The following PTH2R variants were observed in gnomAD, a reference collection of about 807,000 sequenced individuals.
PTH2R encodes the protein parathyroid hormone 2 receptor.
Under a neutral mutation model 60.3 loss-of-function variants are expected in PTH2R, and 59 were observed. The ratio of observed to expected loss-of-function variants is 0.98; its 90% confidence interval spans 0.79 to 1.22. The LOEUF (loss-of-function observed/expected upper bound fraction) is 1.22, where lower values mean the gene tolerates loss of function less well. Ranked by LOEUF, PTH2R falls within the 50% of genes most tolerant of loss-of-function variation. PTH2R has a pLI of 0.00. For synonymous variants in PTH2R, 256 were observed against 243.8 expected, an observed-to-expected ratio of 1.05 and a Z score of -0.47; for missense variants, 749 against 682.6, an observed-to-expected ratio of 1.10 and a Z score of -1.08.
intron 1 of PTH2R, among the ~76,000 whole-genome samples, chr2:208,378,155 G>C (rs6736245): frequency 4.6e-5 from 7 of 151,946 alleles, no homozygotes; most frequent in Admixed American, 1.3e-4. Context: ...CGGATCACTC[G>C]CGGTTAGGAG....
At chr2:208,467,046 C>G (rs898948643) in intron 9 of PTH2R, among the ~76,000 whole-genome samples, 1 of 152,022 alleles carries the variant, frequency 6.6e-6, no homozygotes, top group African/African-American at 2.4e-5. Context: ...AACATTTCAG[C>G]CAAATTCTTC....
At chr2:208,399,949 T>A (rs1277776609) in intron 1 of PTH2R, among the ~76,000 whole-genome samples, 1 of 152,212 alleles carries the variant, frequency 6.6e-6, no homozygotes, top group Non-Finnish European at 1.5e-5. Flanking sequence ...TGAACCTCTA[T>A]GCTGATGTCC....
At chr2:208,450,937 C>A in intron 8 of PTH2R, 128 bp downstream of exon 8, 2 of 998,238 alleles carry the variant, frequency 2.0e-6, no homozygotes, top group Non-Finnish European at 1.6e-6. Context: ...AGGAAAATTA[C>A]CTTGATGCGA....
chr2:208,360,711 C>T (rs140684886), intron 1 of PTH2R: 1,569 of 153,146 alleles, frequency 0.01, 16 homozygotes, highest in Middle Eastern at 0.027. Context: ...GTTGCAAGGC[C>T]CTCCTCTTGT....
rs181368434 is a variant in PTH2R, at chr2:208,423,474, A to C, written c.76-4727A>C. ...AGTCTGAGAACTCTGTATGCTTGCA[A>C]TTCTTTTAAAATTGTTGAGATTTGT... is the stretch of plus-strand genomic sequence containing the variant. On this transcript the variant is annotated intron_variant, in intron 1 of 12. Coordinates refer to ENST00000272847, the MANE Select transcript of PTH2R (RefSeq NM_005048.4). Among the ~76,000 whole-genome samples, 90 of 152,198 alleles carry C rather than the reference A, an allele frequency of 5.9e-4. 1 individual carries two copies. The highest frequency in any genetic ancestry group is 4.9e-4 in the Non-Finnish European group (33 of 68,018).
At chr2:208,406,710 C>T (rs567811121), upstream of PTH2R, 4 of 223,534 alleles carry the variant, frequency 1.8e-5, no homozygotes, top group Non-Finnish European at 3.5e-5. Context: ...CGAGCGCAGC[C>T]GCGCGGGGCG....
At chr2:208,389,704 T>C (rs1219786302) in intron 1 of PTH2R, among the ~76,000 whole-genome samples, 1 of 152,218 alleles carries the variant, frequency 6.6e-6, no homozygotes, top group Non-Finnish European at 1.5e-5. Flanking sequence ...TTATCACACA[T>C]TTGTGATGTT....
At chr2:208,365,929 AATATATATAT>A (rs1224025157) in intron 1 of PTH2R, among the ~76,000 whole-genome samples, 2,308 of 43,708 alleles carry the variant, frequency 0.053, 75 homozygotes, top group Non-Finnish European at 0.056. Context: ...ATAATAGATA[AATATATATAT>A]ATATATATAT....
chr2:208,473,129 ACACAT>A, intron 9 of PTH2R, among the ~76,000 whole-genome samples: 1 of 152,334 alleles, frequency 6.6e-6, no homozygotes, highest in East Asian at 1.9e-4. Flanking sequence ...ACCCTTCTGA[ACACAT>A]CAAGGAGAAA....
At chr2:208,492,279 C>T (rs569754590) in intron 12 of PTH2R, among the ~76,000 whole-genome samples, 51 of 152,312 alleles carry the variant, frequency 3.3e-4, no homozygotes, top group Middle Eastern at 3.4e-3. Context: ...TGAGTACCTT[C>T]TACGCCATTC....
At chr2:208,406,083 AAGAG>A (rs1701399913), upstream of PTH2R, among the ~76,000 whole-genome samples, 2 of 152,176 alleles carry the variant, frequency 1.3e-5, no homozygotes, top group Non-Finnish European at 2.9e-5. Context: ...GATTAAGACA[AAGAG>A]AGGCCAGTAT....
intron 1 of PTH2R, 85 bp downstream of exon 1, chr2:208,407,203 C>T: frequency 6.6e-6 from 8 of 1,205,956 alleles, no homozygotes; most frequent in Non-Finnish European, 7.7e-6. Context: ...CAGGTGCGCG[C>T]GAGAGCTCAT....
At chr2:208,407,233 A>G (rs1701434715) in intron 1 of PTH2R, 115 bp downstream of exon 1, 1 of 889,190 alleles carries the variant, frequency 1.1e-6, no homozygotes, top group Non-Finnish European at 1.6e-6. Flanking sequence ...CACGTCCACA[A>G]ACGCCCCGGC....
chr2:208,457,085 T>A (rs1035480506), intron 8 of PTH2R, among the ~76,000 whole-genome samples: 3 of 152,186 alleles, frequency 2.0e-5, no homozygotes, highest in Admixed American at 1.3e-4. Flanking sequence ...TGTGAAGATA[T>A]TACCAAATGT....
chr2:208,379,885 C>T (rs1263931350), intron 1 of PTH2R, among the ~76,000 whole-genome samples: 1 of 151,730 alleles, frequency 6.6e-6, no homozygotes, highest in Non-Finnish European at 1.5e-5. Flanking sequence ...AGAGAGAGAC[C>T]GTTTGTGAAG....
At chr2:208,416,611 G>C (rs951556483) in intron 1 of PTH2R, among the ~76,000 whole-genome samples, 11 of 152,192 alleles carry the variant, frequency 7.2e-5, no homozygotes, top group African/African-American at 2.4e-4. Flanking sequence ...GGGTCAACTT[G>C]ATTGGATTGA....
chr2:208,388,143 C>CCCCG (rs1553540982), intron 1 of PTH2R, among the ~76,000 whole-genome samples: 1 of 148,858 alleles, frequency 6.7e-6, no homozygotes, highest in Non-Finnish European at 1.5e-5. Context: ...CCCCCCCCCC[C>CCCCG]GTCTCTACTA....
At chr2:208,414,635 A>G (rs1031789380) in intron 1 of PTH2R, among the ~76,000 whole-genome samples, 1 of 151,950 alleles carries the variant, frequency 6.6e-6, no homozygotes, top group Non-Finnish European at 1.5e-5. Context: ...CTCAAACTTT[A>G]TTCCAAAATT....
In PTH2R at chr2:208,363,248, T is replaced by C. The variant is rs1346076781; in HGVS notation, c.-259+3011T>C. On this transcript the variant is annotated intron_variant, in intron 1 of 12. Transcript: ENST00000617735. ...TTAGCATCTGTGTGTAGTCAATGTT[T>C]AGCTCCCACTTATAAGTGAGAAAAT... Among the ~76,000 whole-genome samples the C allele has an allele frequency of 2.0e-5, 3 of 152,160 alleles. 1 individual carries two copies. In the East Asian group the frequency reaches 5.8e-4, roughly 29 times the overall value.
Sources: gnomAD v4.1 joint callset for allele counts (sites outside exome capture counted in the v4.1 genomes callset) on GRCh38, gnomAD v4.1.1 for gene constraint, MANE v1.5 for transcripts, NCBI Gene and HGNC (gene_info 2026-07-23, HGNC 2026-07-21) for gene names.